SH3GL3: variants seen among roughly 807,000 people sequenced by gnomAD.
The protein encoded by SH3GL3 is SH3 domain containing GRB2 like 3, endophilin A3.
SH3GL3 carries 33 observed loss-of-function variants against 47.7 expected under a neutral mutation model. The ratio of observed to expected loss-of-function variants is 0.69; its 90% CI spans 0.52 to 0.92. SH3GL3 has a LOEUF of 0.92. SH3GL3 is among the 40% of genes least tolerant of loss of function. The pLI, the probability that SH3GL3 is intolerant of heterozygous loss-of-function variation, is 0.00. For synonymous variants in SH3GL3, 155 were observed against 148.8 expected, an observed-to-expected ratio of 1.04 and a Z score of -0.30; for missense variants, 363 against 417.8, an observed-to-expected ratio of 0.87 and a Z score of 1.14.
chr15:83,583,625 G>A (rs536111006), intron 6 of SH3GL3, among the ~76,000 whole-genome samples: 3 of 152,218 alleles, frequency 2.0e-5, no homozygotes, highest in East Asian at 1.9e-4. Flanking sequence ...TACTCCCAAC[G>A]GCCATATATG....
intron 1 of SH3GL3, among the ~76,000 whole-genome samples, chr15:83,506,559 A>G (rs2151618965): frequency 6.6e-6 from 1 of 152,248 alleles, no homozygotes; most frequent in South Asian, 2.1e-4. Flanking sequence ...TTTGTTTTCT[A>G]GATGAGCTTT....
intron 1 of SH3GL3, among the ~76,000 whole-genome samples, chr15:83,543,095 TATG>T (rs2044241727): frequency 6.6e-6 from 1 of 152,162 alleles, no homozygotes; most frequent in African/African-American, 2.4e-5. Flanking sequence ...CCTCATTCAG[TATG>T]ATACCAGCTG....
chr15:83,542,966 C>A (rs2044234142), intron 1 of SH3GL3, among the ~76,000 whole-genome samples: 1 of 149,498 alleles, frequency 6.7e-6, no homozygotes, highest in African/African-American at 2.5e-5. Flanking sequence ...TCTTTATCAT[C>A]TGATTAGCTA....
At chr15:83,463,269 A>G (rs993083399) in intron 1 of SH3GL3, among the ~76,000 whole-genome samples, 1 of 152,196 alleles carries the variant, frequency 6.6e-6, no homozygotes, top group Non-Finnish European at 1.5e-5. Flanking sequence ...AGCAATTCAG[A>G]TAAGATGCTC....
chr15:83,527,245 T>C (rs1425168334), intron 1 of SH3GL3, among the ~76,000 whole-genome samples: 2 of 152,170 alleles, frequency 1.3e-5, no homozygotes, highest in Non-Finnish European at 2.9e-5. Context: ...TGGTCTAAAG[T>C]GTAGTTTAAA....
At chr15:83,559,000 A>G (rs543371487) in intron 1 of SH3GL3, among the ~76,000 whole-genome samples, 1 of 152,300 alleles carries the variant, frequency 6.6e-6, no homozygotes, top group East Asian at 1.9e-4. Flanking sequence ...TCTCTTGTCT[A>G]TGTCCTACAG....
intron 3 of SH3GL3, among the ~76,000 whole-genome samples, chr15:83,567,855 C>T (rs766214819): frequency 3.3e-5 from 5 of 152,072 alleles, no homozygotes; most frequent in Admixed American, 6.5e-5. Context: ...TCTGACTTCA[C>T]GTGTCAGCAA....
At chr15:83,605,176 A>G (rs1275306163) in intron 8 of SH3GL3, among the ~76,000 whole-genome samples, 2 of 152,188 alleles carry the variant, frequency 1.3e-5, no homozygotes, top group African/African-American at 4.8e-5. Context: ...CACTGCAGCA[A>G]ACTCTACTGT....
chr15:83,518,390 A>C (rs1366350091), intron 1 of SH3GL3, among the ~76,000 whole-genome samples: 1 of 152,094 alleles, frequency 6.6e-6, no homozygotes, highest in Non-Finnish European at 1.5e-5. Context: ...CCACAGCCTC[A>C]CCATTATCTG....
rs147865303 is a variant in SH3GL3, at chr15:83,583,971, A to G, written c.625-3012A>G. On this transcript the variant is annotated intron_variant, in intron 6 of 8. Coordinates refer to ENST00000427482, the MANE Select transcript of SH3GL3 (RefSeq NM_003027.5). ...TGTTAGGTTTTTGCATAGTTTGAGG[A>G]TGGGCTAAAGCAGCTCTGTATCAGT... is the stretch of plus-strand genomic sequence containing the variant. Among the ~76,000 whole-genome samples, 160 of 152,256 alleles carry G rather than the reference A, an allele frequency of 1.1e-3. 1 individual carries two copies. The highest frequency in any genetic ancestry group is 3.8e-3 in the African/African-American group (156 of 41,560).
At chr15:83,555,594 G>A (rs1314787108) in intron 1 of SH3GL3, among the ~76,000 whole-genome samples, 1 of 152,098 alleles carries the variant, frequency 6.6e-6, no homozygotes, top group African/African-American at 2.4e-5. Flanking sequence ...GAGGGGGTGG[G>A]GATGTGACTT....
At chr15:83,624,516 T>A in the SH3GL3 span, among the ~76,000 whole-genome samples, 1 of 152,302 alleles carries the variant, frequency 6.6e-6, no homozygotes, top group Admixed American at 6.5e-5. Flanking sequence ...CAAGGTGAGT[T>A]GCAGAGGGCA....
intron 1 of SH3GL3, among the ~76,000 whole-genome samples, chr15:83,551,644 A>G (rs1167951396): frequency 2.0e-5 from 3 of 152,108 alleles, no homozygotes; most frequent in Admixed American, 1.3e-4. Flanking sequence ...TCACCTTTCT[A>G]AAAGTCTCCA....
At chr15:83,543,413 C>T (rs778171033) in intron 1 of SH3GL3, among the ~76,000 whole-genome samples, 7 of 151,866 alleles carry the variant, frequency 4.6e-5, no homozygotes, top group Non-Finnish European at 1.0e-4. Context: ...CATTGATGTT[C>T]ATGAGATATA....
At chr15:83,493,725 C>G (rs2041970755) in intron 1 of SH3GL3, among the ~76,000 whole-genome samples, 2 of 144,172 alleles carry the variant, frequency 1.4e-5, no homozygotes, top group South Asian at 5.0e-4. Context: ...GCCATGCAAT[C>G]ATAACCCACG....
chr15:83,467,442 A>ATTC (rs1266164681), intron 1 of SH3GL3, among the ~76,000 whole-genome samples: 1 of 152,188 alleles, frequency 6.6e-6, no homozygotes, highest in Non-Finnish European at 1.5e-5. Flanking sequence ...CTGTAGCTAT[A>ATTC]TTCTAAGTCT....
intron 3 of SH3GL3, among the ~76,000 whole-genome samples, chr15:83,566,567 G>A (rs1424334075): frequency 1.3e-5 from 2 of 152,202 alleles, no homozygotes; most frequent in African/African-American, 2.4e-5. Flanking sequence ...TTGAAGCCAA[G>A]AGTTCAAGAC....
intron 1 of SH3GL3, among the ~76,000 whole-genome samples, chr15:83,538,629 A>G (rs1180215121): frequency 1.3e-5 from 2 of 152,234 alleles, no homozygotes; most frequent in Non-Finnish European, 2.9e-5. Flanking sequence ...GTAATTAGAC[A>G]TAAATATATT....
chr15:83,520,831 A>G (rs1477897250), intron 1 of SH3GL3, among the ~76,000 whole-genome samples: 1 of 152,200 alleles, frequency 6.6e-6, no homozygotes, highest in African/African-American at 2.4e-5. Flanking sequence ...AACACAGATA[A>G]CTATGTGAGA....
Sources: gnomAD v4.1 joint callset for allele counts (sites outside exome capture counted in the v4.1 genomes callset) on GRCh38, gnomAD v4.1.1 for gene constraint, MANE v1.5 for transcripts, NCBI Gene and HGNC (gene_info 2026-07-23, HGNC 2026-07-21) for gene names.